The following LPP variants were observed in gnomAD, a reference collection of about 807,000 sequenced individuals.
LPP encodes the protein lipoma-preferred partner.
Under a neutral mutation model 60.4 loss-of-function variants are expected in LPP, and 38 were observed. That is an observed-to-expected ratio of 0.63 (90% CI 0.49 to 0.83). LPP has a LOEUF of 0.83. LPP is among the 40% of genes least tolerant of loss of function. The probability of loss-of-function intolerance (pLI) is 0.00; values close to 1 mark genes in which losing one functional copy is unlikely to be tolerated. For missense variants in LPP, 902 were observed against 783.6 expected, an observed-to-expected ratio of 1.15 and a Z score of -1.80; for synonymous variants, 328 against 290.8, an observed-to-expected ratio of 1.13 and a Z score of -1.30.
rs1420960191 is a variant in LPP at position 188,878,186 on chromosome 3, A to C, written c.*3707A>C. 4.6e-6 allele frequency: 1 copy of C among 217,286 alleles called. No individual in the cohort carries two copies. Among genetic ancestry groups the C allele is most frequent in the African/African-American group, 2.3e-5 (1 of 44,412 alleles). The allele number at this position is 217,286 out of a possible 1,614,324, so 13.5% of individuals were successfully genotyped here. A position where few individuals can be genotyped will look rare whatever the true frequency, so the allele number is the denominator to read the frequency against. ...TTAATGTGAACCAGCCAGGAATAAC[A>C]GTGTTATTTCTATTGGATATGGTTT... On this transcript the variant is annotated 3_prime_UTR_variant, in exon 12 of 12. Transcript: ENST00000617246.
rs367549940 is a variant in LPP at position 188,350,954 on chromosome 3, C to T, written c.-10+9235C>T. 1.8e-4 allele frequency among the ~76,000 whole-genome samples: 27 copies of T among 152,280 alleles called. No individual in the cohort carries two copies. The South Asian group carries it at 4.1e-3, about 23-fold the overall frequency. ...TGCTTTCCTGCCTGAGGAACCAGCA[C>T]GTACCCCTTCTCCCACGAAAGTCAT... On this transcript the variant is annotated intron_variant, in intron 3 of 11. Transcript: ENST00000617246.
intron 8 of LPP, among the ~76,000 whole-genome samples, chr3:188,723,210 T>C (rs1175875346): frequency 2.0e-5 from 3 of 152,040 alleles, no homozygotes; most frequent in African/African-American, 7.2e-5. Flanking sequence ...AGGAAGAAAA[T>C]GTAAAGGAAA....
intron 7 of LPP, among the ~76,000 whole-genome samples, chr3:188,690,375 A>G (rs879024255): frequency 1.3e-5 from 2 of 152,160 alleles, no homozygotes; most frequent in South Asian, 2.1e-4. Context: ...ATGCCACAGT[A>G]ATGCTAGCAG....
intron 1 of LPP, among the ~76,000 whole-genome samples, chr3:188,165,181 C>T (rs144806858): frequency 0.019 from 2,941 of 151,838 alleles, 103 homozygotes; most frequent in African/African-American, 0.068. Context: ...GAGGCTGAGG[C>T]GGGAGGATCC....
chr3:188,189,998 AT>A (rs959015577), intron 1 of LPP, among the ~76,000 whole-genome samples: 11 of 149,616 alleles, frequency 7.4e-5, no homozygotes, highest in South Asian at 2.1e-4. Context: ...AATGGCCAAT[AT>A]TTTTTTTACT....
intron 2 of LPP, among the ~76,000 whole-genome samples, chr3:188,283,498 T>G (rs1315917884): frequency 6.6e-6 from 1 of 152,238 alleles, no homozygotes; most frequent in Non-Finnish European, 1.5e-5. Flanking sequence ...TGTTGAGATC[T>G]TAACTAGAAT....
intron 6 of LPP, among the ~76,000 whole-genome samples, chr3:188,534,609 AT>A (rs1823072033): frequency 6.6e-6 from 1 of 152,206 alleles, no homozygotes; most frequent in African/African-American, 2.4e-5. Flanking sequence ...AAGTCTAGCT[AT>A]GTTTTTTAAC....
At chr3:188,459,888 T>C (rs1443021413) in intron 4 of LPP, among the ~76,000 whole-genome samples, 1 of 152,176 alleles carries the variant, frequency 6.6e-6, no homozygotes, top group Non-Finnish European at 1.5e-5. Context: ...TGGTTATATG[T>C]CCATGTGTGG....
At chr3:188,848,401 G>A (rs529200299) in intron 9 of LPP, among the ~76,000 whole-genome samples, 15 of 152,234 alleles carry the variant, frequency 9.9e-5, no homozygotes, top group East Asian at 3.9e-4. Flanking sequence ...TACTGATGTC[G>A]CACTCTTGCT....
rs1387689618 is a variant in LPP, at chr3:188,828,370, C to T, written c.1411-37830C>T. Among the ~76,000 whole-genome samples the T allele has an allele frequency of 3.3e-5, 5 of 150,414 alleles. No individual in the cohort carries two copies. In the East Asian group the frequency reaches 7.8e-4, roughly 24 times the overall value. ...CTGTAATCCCAGCACTTTGGGAGGC[C>T]GAGGTGGGCGGATCACCTGAGGTCA... On this transcript the variant is annotated intron_variant, in intron 9 of 11. Transcript: ENST00000617246.
intron 4 of LPP, among the ~76,000 whole-genome samples, chr3:188,428,964 G>C (rs962485321): frequency 2.0e-5 from 3 of 152,048 alleles, no homozygotes; most frequent in African/African-American, 4.8e-5. Context: ...TCATCAGATA[G>C]GACCTTTCTG....
At chr3:188,373,496 A>G (rs1293791810) in intron 3 of LPP, among the ~76,000 whole-genome samples, 1 of 152,144 alleles carries the variant, frequency 6.6e-6, no homozygotes, top group Non-Finnish European at 1.5e-5. Flanking sequence ...TTGGCTGCAT[A>G]AATGTCTTCT....
chr3:188,387,089 G>C (rs1423165947), intron 3 of LPP, among the ~76,000 whole-genome samples: 1 of 151,990 alleles, frequency 6.6e-6, no homozygotes, highest in African/African-American at 2.4e-5. Context: ...TAATGACAAA[G>C]AAATTACAAA....
At chr3:188,312,807 A>T (rs889284144) in intron 2 of LPP, 6 of 152,208 alleles carry the variant, frequency 3.9e-5, no homozygotes, top group Non-Finnish European at 8.8e-5. Flanking sequence ...TGCAGCCATA[A>T]TAAAGGATGA....
chr3:188,307,671 C>T (rs1022444477), intron 2 of LPP, among the ~76,000 whole-genome samples: 13 of 152,262 alleles, frequency 8.5e-5, no homozygotes, highest in African/African-American at 3.1e-4. Flanking sequence ...ATAATAGATG[C>T]TCAGTAAGTA....
intron 9 of LPP, among the ~76,000 whole-genome samples, chr3:188,786,166 G>T (rs915549338): frequency 6.6e-6 from 1 of 151,756 alleles, no homozygotes; most frequent in Admixed American, 6.6e-5. Context: ...GATCACTTGA[G>T]GTCAGGAGTT....
chr3:188,791,917 C>G (rs935804174), intron 9 of LPP, among the ~76,000 whole-genome samples: 1 of 152,142 alleles, frequency 6.6e-6, no homozygotes, highest in Non-Finnish European at 1.5e-5. Flanking sequence ...GTGTTGAGGA[C>G]ACTATTAAGT....
intron 2 of LPP, among the ~76,000 whole-genome samples, chr3:188,313,349 T>C (rs1754051111): frequency 6.6e-6 from 1 of 152,122 alleles, no homozygotes; most frequent in Admixed American, 6.6e-5. Flanking sequence ...AATGAACCTA[T>C]CTAGTTCTGG....
At chr3:188,850,990 T>A (rs142907890) in intron 9 of LPP, among the ~76,000 whole-genome samples, 2,581 of 152,344 alleles carry the variant, frequency 0.017, 32 homozygotes, top group South Asian at 0.035. Context: ...GGCAACAGAT[T>A]TGTCTGGAGA....
Sources: gnomAD v4.1 joint callset for allele counts (sites outside exome capture counted in the v4.1 genomes callset) on GRCh38, gnomAD v4.1.1 for gene constraint, MANE v1.5 for transcripts, NCBI Gene and HGNC (gene_info 2026-07-23, HGNC 2026-07-21) for gene names.